PPP2R2C: variants seen among roughly 807,000 people sequenced by gnomAD.
PPP2R2C encodes the protein protein phosphatase 2, regulatory subunit B, gamma.
In PPP2R2C, 10 loss-of-function variants were observed where a neutral mutation model predicts 45.3. The observed-to-expected ratio is 0.22, with a 90% CI of 0.14 to 0.37. PPP2R2C has a LOEUF of 0.37. PPP2R2C is among the 10% of genes least tolerant of loss of function. The pLI is 1.00. For synonymous variants in PPP2R2C, 257 were observed against 245.4 expected, an observed-to-expected ratio of 1.05 and a Z score of -0.44; for missense variants, 308 against 619.7, an observed-to-expected ratio of 0.50 and a Z score of 5.34.
chr4:6,401,144 TTTAATCA>T (rs2109349761), intron 1 of PPP2R2C, among the ~76,000 whole-genome samples: 1 of 152,294 alleles, frequency 6.6e-6, no homozygotes, highest in African/African-American at 2.4e-5. Context: ...TATTCAACAT[TTTAATCA>T]TTAATCTTCT....
intron 1 of PPP2R2C, among the ~76,000 whole-genome samples, chr4:6,554,796 A>G (rs548987600): frequency 1.3e-5 from 2 of 150,046 alleles, no homozygotes; most frequent in Non-Finnish European, 3.0e-5. Context: ...GGAAGCAGAG[A>G]TTGCAGTGAG....
chr4:6,343,806 G>A (rs1267917580), intron 6 of PPP2R2C, among the ~76,000 whole-genome samples: 1 of 152,164 alleles, frequency 6.6e-6, no homozygotes, highest in East Asian at 1.9e-4. Flanking sequence ...TACATCAACT[G>A]CTCCAGAAAA....
intron 1 of PPP2R2C, among the ~76,000 whole-genome samples, chr4:6,456,194 C>A (rs999913280): frequency 1.3e-5 from 2 of 152,084 alleles, no homozygotes; most frequent in African/African-American, 4.8e-5. Flanking sequence ...GTTGACAGTG[C>A]ATTTAATATT....
At chr4:6,524,311 C>G (rs1724124089) in intron 2 of PPP2R2C, among the ~76,000 whole-genome samples, 2 of 152,188 alleles carry the variant, frequency 1.3e-5, no homozygotes, top group Admixed American at 6.5e-5. Context: ...AAGTGAACTG[C>G]ATGATTCCAT....
chr4:6,544,424 C>T (rs1488151107), intron 1 of PPP2R2C, among the ~76,000 whole-genome samples: 8 of 152,136 alleles, frequency 5.3e-5, no homozygotes, highest in Admixed American at 4.6e-4. Flanking sequence ...CTCACCGCAG[C>T]CCCAAACTCC....
intron 2 of PPP2R2C, chr4:6,535,176 T>C: frequency 7.2e-7 from 1 of 1,384,250 alleles, no homozygotes; most frequent in Non-Finnish European, 9.9e-7. Context: ...GGCTTCCCGC[T>C]GTCAGGCTGG....
chr4:6,440,081 C>A (rs1198387295), intron 1 of PPP2R2C, among the ~76,000 whole-genome samples: 1 of 152,132 alleles, frequency 6.6e-6, no homozygotes, highest in Non-Finnish European at 1.5e-5. Context: ...CTGGGTGGCC[C>A]ATCTTTTCCC....
intron 1 of PPP2R2C, among the ~76,000 whole-genome samples, chr4:6,412,891 T>C (rs986631059): frequency 6.6e-6 from 1 of 152,134 alleles, no homozygotes; most frequent in Non-Finnish European, 1.5e-5. Flanking sequence ...CAACAGGAAG[T>C]CGCCACCTGT....
chr4:6,427,306 A>G (rs1719383187), intron 1 of PPP2R2C, among the ~76,000 whole-genome samples: 1 of 152,238 alleles, frequency 6.6e-6, no homozygotes, highest in South Asian at 2.1e-4. Context: ...TCAATGCTCA[A>G]ACGAGGACGT....
chr4:6,454,871 G>A (rs1410098689), intron 1 of PPP2R2C, among the ~76,000 whole-genome samples: 3 of 152,156 alleles, frequency 2.0e-5, no homozygotes, highest in African/African-American at 7.2e-5. Context: ...CATTACACAG[G>A]AGCAGTCAAG....
intron 6 of PPP2R2C, among the ~76,000 whole-genome samples, 162 bp downstream of exon 6, chr4:6,347,684 G>A (rs777906504): frequency 6.6e-5 from 10 of 152,086 alleles, no homozygotes; most frequent in South Asian, 2.1e-4. Context: ...CAGGCTCCCC[G>A]ACCAGCCAGC....
chr4:6,371,729 T>C (rs1311288714), intron 5 of PPP2R2C, among the ~76,000 whole-genome samples: 2 of 152,230 alleles, frequency 1.3e-5, no homozygotes, highest in Non-Finnish European at 2.9e-5. Flanking sequence ...GAATAGTACC[T>C]ACCTCATAGG....
At chr4:6,419,135 AAAAC>A (rs931410898) in intron 1 of PPP2R2C, among the ~76,000 whole-genome samples, 166 of 152,342 alleles carry the variant, frequency 1.1e-3, no homozygotes, top group African/African-American at 3.7e-3. Context: ...AAATGACAAC[AAAAC>A]AAACAAAGAA....
chr4:6,377,363 A>G (rs2109306138), intron 3 of PPP2R2C, among the ~76,000 whole-genome samples: 1 of 152,244 alleles, frequency 6.6e-6, no homozygotes, highest in African/African-American at 2.4e-5. Context: ...GACAGAATCC[A>G]GGTGTGTCCT....
At chr4:6,551,233 G>T (rs575546885) in intron 1 of PPP2R2C, among the ~76,000 whole-genome samples, 1 of 152,320 alleles carries the variant, frequency 6.6e-6, no homozygotes, top group Non-Finnish European at 1.5e-5. Context: ...CACTTAGAAA[G>T]CCCCTGGCAA....
chr4:6,356,047 G>A (rs11941709), intron 5 of PPP2R2C, among the ~76,000 whole-genome samples: 8,448 of 147,530 alleles, frequency 0.057, 769 homozygotes, highest in African/African-American at 0.2. Context: ...CACGTCACAC[G>A]TGCTGCGGGT....
At position 6,322,249 on chromosome 4, in the gene PPP2R2C, G is replaced by A. The variant is rs1376320550; in HGVS notation, c.*1053C>T. On this transcript the variant is annotated 3_prime_UTR_variant, in exon 9 of 9. Transcript: ENST00000382599. The surrounding 1 kb of genome is among the most constrained non-coding windows in gnomAD (Gnocchi z 7.8). ...ACCCGGACGGGTTCCTGACACCACT[G>A]CACGGCACCTGCCATGGGTGACCTG... The A allele has an allele frequency of 6.6e-6, 1 of 152,110 alleles. No homozygotes were observed. The highest frequency in any genetic ancestry group is 6.6e-5 in the Admixed American group (1 of 15,252). 9.4% of individuals were successfully genotyped at this position (152,110 alleles called of 1,614,324 possible). A position where few individuals can be genotyped will look rare whatever the true frequency, so the allele number is the denominator to read the frequency against.
upstream of PPP2R2C, among the ~76,000 whole-genome samples, chr4:6,475,793 A>C (rs1467456831): frequency 6.6e-6 from 1 of 152,224 alleles, no homozygotes; most frequent in East Asian, 1.9e-4. Flanking sequence ...ACATGCATGG[A>C]AAGTGTGCTG....
At chr4:6,492,145 G>T (rs1003238899) in intron 2 of PPP2R2C, among the ~76,000 whole-genome samples, 2 of 152,200 alleles carry the variant, frequency 1.3e-5, no homozygotes, top group Non-Finnish European at 2.9e-5. Flanking sequence ...AGTGGGCCCT[G>T]GGGCTTAAAC....
Sources: gnomAD v4.1 joint callset for allele counts (sites outside exome capture counted in the v4.1 genomes callset) on GRCh38, gnomAD v4.1.1 for gene constraint, Gnocchi (gnomAD v3.1) non-coding constraint, MANE v1.5 for transcripts, NCBI Gene and HGNC (gene_info 2026-07-23, HGNC 2026-07-21) for gene names.